ANO10: variants seen among roughly 807,000 people sequenced by gnomAD.
The protein encoded by ANO10 is anoctamin 10.
Under a neutral mutation model 74.7 loss-of-function variants are expected in ANO10, and 77 were observed. That is an observed-to-expected ratio of 1.03 (90% CI 0.86 to 1.25). ANO10 has a LOEUF of 1.25. ANO10 is among the 50% of genes most tolerant of loss of function. The pLI is 0.00. For missense variants in ANO10, 721 were observed against 778.1 expected, an observed-to-expected ratio of 0.93 and a Z score of 0.87; for synonymous variants, 279 against 284.9, an observed-to-expected ratio of 0.98 and a Z score of 0.21.
At position 43,605,776 on chromosome 3, in the gene ANO10, T is replaced by A. The variant is rs1418351840; in HGVS notation, c.77A>T (p.Asp26Val). 6.2e-7 allele frequency: 1 copy of A among 1,613,664 alleles called. No individual in the cohort carries two copies. The highest frequency in any genetic ancestry group is 1.3e-5 in the African/African-American group (1 of 74,896). The change falls in exon 2 of 13, where the codon GAT becomes GTT. Residue 26 changes from aspartate (D) to valine (V), a missense_variant. By Grantham distance (152) the Asp-to-Val change is radical. Transcript: ENST00000292246. Reference protein sequence around the residue: ...TPLVVIELAQDVKEETKEWLK... With the variant: ...TPLVVIELAQVVKEETKEWLK... ...CCATTCTTTGGTTTCTTCTTTGACATCCTGAGCAAGTTCTATGACCACCAA... is the reference window on the plus strand; with the variant it reads ...CCATTCTTTGGTTTCTTCTTTGACAACCTGAGCAAGTTCTATGACCACCAA...
At chr3:43,514,108 CACAT>C (rs2077617745) in intron 11 of ANO10, among the ~76,000 whole-genome samples, 1 of 150,852 alleles carries the variant, frequency 6.6e-6, no homozygotes, top group Admixed American at 6.6e-5. Flanking sequence ...AAATAGCAAA[CACAT>C]AAATAGCAAT....
At chr3:43,409,519 G>A (rs1163201104) in intron 12 of ANO10, among the ~76,000 whole-genome samples, 1 of 152,102 alleles carries the variant, frequency 6.6e-6, no homozygotes, top group South Asian at 2.1e-4. Context: ...ACTCCAGCCT[G>A]GGTGACAGAA....
intron 11 of ANO10, among the ~76,000 whole-genome samples, chr3:43,470,151 T>A (rs2075792150): frequency 6.6e-6 from 1 of 152,188 alleles, no homozygotes; most frequent in African/African-American, 2.4e-5. Context: ...TACTCAGTGG[T>A]AAGAAGAAAT....
At chr3:43,683,551 A>C (rs533510762) in intron 1 of ANO10, among the ~76,000 whole-genome samples, 1 of 152,196 alleles carries the variant, frequency 6.6e-6, no homozygotes, top group South Asian at 2.1e-4. Flanking sequence ...GCTACCAATG[A>C]CTTTCTTCAC....
chr3:43,690,839 C>T, intron 1 of ANO10: 1 of 710,574 alleles, frequency 1.4e-6, no homozygotes, highest in Non-Finnish European at 2.0e-6. Flanking sequence ...GCCGCGCACG[C>T]GCAAACGCGG....
intron 12 of ANO10, among the ~76,000 whole-genome samples, chr3:43,393,424 T>A (rs2092315998): frequency 6.6e-6 from 1 of 152,204 alleles, no homozygotes; most frequent in Admixed American, 6.5e-5. Context: ...GGAACCATCT[T>A]CTTACTGGTT....
chr3:43,639,236 G>T (rs1387022194), intron 1 of ANO10, among the ~76,000 whole-genome samples: 1 of 152,194 alleles, frequency 6.6e-6, no homozygotes, highest in Non-Finnish European at 1.5e-5. Context: ...CCAGGGGAGA[G>T]GAATTAGCCT....
chr3:43,384,549 A>G (rs922210762), intron 12 of ANO10, among the ~76,000 whole-genome samples: 2 of 152,248 alleles, frequency 1.3e-5, no homozygotes, highest in African/African-American at 4.8e-5. Flanking sequence ...TCACCAAAAC[A>G]GCATGGTACT....
intron 11 of ANO10, among the ~76,000 whole-genome samples, chr3:43,436,757 G>T: frequency 6.6e-6 from 1 of 152,204 alleles, no homozygotes; most frequent in East Asian, 1.9e-4. Context: ...CCAGCTGCAA[G>T]GAGAGCCAGC....
chr3:43,682,883 C>G (rs1260463427), intron 1 of ANO10, among the ~76,000 whole-genome samples: 3 of 152,212 alleles, frequency 2.0e-5, no homozygotes, highest in Admixed American at 6.5e-5. Context: ...TTCAACAACA[C>G]TTCATGCTAA....
At chr3:43,442,361 A>T (rs539188006) in intron 11 of ANO10, among the ~76,000 whole-genome samples, 1 of 152,230 alleles carries the variant, frequency 6.6e-6, no homozygotes, top group African/African-American at 2.4e-5. Flanking sequence ...ACACACAAAA[A>T]TCAGTTACAT....
chr3:43,608,674 G>A (rs532504374), intron 1 of ANO10, among the ~76,000 whole-genome samples: 2 of 152,004 alleles, frequency 1.3e-5, no homozygotes, highest in African/African-American at 4.8e-5. Flanking sequence ...CTCAAACTCT[G>A]GGGCCCAAGC....
In ANO10 at chr3:43,465,021, G is replaced by C. The variant is rs116023696; in HGVS notation, c.1798-32294C>G. Among the ~76,000 whole-genome samples, 1,135 of 152,276 alleles carry C rather than the reference G, an allele frequency of 7.5e-3. 7 individuals carry two copies. Among genetic ancestry groups the C allele is most frequent in the Non-Finnish European group, 0.013 (876 of 68,022 alleles). On this transcript the variant is annotated intron_variant, in intron 11 of 12. Coordinates refer to ENST00000292246, the MANE Select transcript of ANO10 (RefSeq NM_018075.5). ...TAACCAGTGCAATCAGGCAAGAAAA[G>C]TAAACAAAGAACCTATAGATTATAA... is the stretch of plus-strand genomic sequence containing the variant.
chr3:43,624,802 C>T (rs560674935), upstream of ANO10, among the ~76,000 whole-genome samples: 1 of 152,266 alleles, frequency 6.6e-6, no homozygotes, highest in African/African-American at 2.4e-5. Context: ...GTAGGACAGG[C>T]GGAGATTTCA....
chr3:43,389,767 A>T (rs1575636575), intron 12 of ANO10, among the ~76,000 whole-genome samples: 1 of 152,328 alleles, frequency 6.6e-6, no homozygotes, highest in Non-Finnish European at 1.5e-5. Context: ...AAAAACTACC[A>T]TTCTTATTTT....
intron 11 of ANO10, among the ~76,000 whole-genome samples, chr3:43,435,333 AC>A (rs1015553662): frequency 7.8e-4 from 118 of 152,072 alleles, no homozygotes; most frequent in African/African-American, 2.5e-3. Context: ...ACTTGGGGAA[AC>A]CCCATCTCCA....
chr3:43,504,312 A>ATAGG (rs2077211469), intron 11 of ANO10, among the ~76,000 whole-genome samples: 3 of 151,424 alleles, frequency 2.0e-5, no homozygotes, highest in African/African-American at 7.3e-5. Context: ...AGATAGATAG[A>ATAGG]TAGATAGATA....
At chr3:43,575,103 A>G (rs1400421343) in intron 6 of ANO10, among the ~76,000 whole-genome samples, 2 of 152,184 alleles carry the variant, frequency 1.3e-5, no homozygotes, top group East Asian at 3.8e-4. Flanking sequence ...TTACTGCTAC[A>G]AAGAAATTTG....
chr3:43,649,109 C>A (rs1303647624), intron 1 of ANO10, among the ~76,000 whole-genome samples: 1 of 152,170 alleles, frequency 6.6e-6, no homozygotes, highest in Admixed American at 6.5e-5. Context: ...TAGGTCTCAG[C>A]CTTATTTTAC....
Sources: allele counts gnomAD v4.1 joint callset (sites outside exome capture counted in the v4.1 genomes callset), GRCh38; gene constraint gnomAD v4.1.1; transcripts MANE v1.5; gene names NCBI Gene and HGNC (gene_info 2026-07-23, HGNC 2026-07-21).